The following EMC3 variants were observed in gnomAD, a reference collection of about 807,000 sequenced individuals.
EMC3 encodes ER membrane protein complex subunit 3.
Under a neutral mutation model 36.6 loss-of-function variants are expected in EMC3, and 13 were observed. That is an observed-to-expected ratio of 0.35 (90% CI 0.23 to 0.56). The LOEUF is 0.56. Ranked by LOEUF, EMC3 falls within the 20% of genes least tolerant of loss-of-function variation. EMC3 has a pLI of 0.84. For missense variants in EMC3, 220 were observed against 324.5 expected, an observed-to-expected ratio of 0.68 and a Z score of 2.47; for synonymous variants, 120 against 111.9, an observed-to-expected ratio of 1.07 and a Z score of -0.46.
Position 9,986,664 on chromosome 3 carries a change from T to C in EMC3, c.-3A>G. On this transcript the variant is annotated 5_prime_UTR_variant, in exon 1 of 8. Coordinates refer to ENST00000245046, the MANE Select transcript of EMC3 (RefSeq NM_001394674.1). ...AGCAACAGTTCTGGCCCTGCCATCT[T>C]CACTGAAAGCTGGTTCCCAGTCTGG... The C allele has an allele frequency of 6.2e-7, 1 of 1,613,824 alleles. No individual in the cohort carries two copies. The highest frequency in any genetic ancestry group is 8.5e-7 in the Non-Finnish European group (1 of 1,179,760).
chr3:9,990,452 A>T (rs1288732154), upstream of EMC3, among the ~76,000 whole-genome samples: 1 of 148,308 alleles, frequency 6.7e-6, no homozygotes, highest in Non-Finnish European at 1.5e-5. Flanking sequence ...CCCCCACCTC[A>T]GTCTTTGGAG....
At chr3:9,993,474 C>T (rs961539100) in intron 1 of EMC3, among the ~76,000 whole-genome samples, 5 of 152,066 alleles carry the variant, frequency 3.3e-5, no homozygotes, top group Non-Finnish European at 7.4e-5. Context: ...AATGAGAATA[C>T]CTCATTGGAT....
At chr3:10,004,364 A>G (rs2086240611) in intron 1 of EMC3, 1 of 152,188 alleles carries the variant, frequency 6.6e-6, no homozygotes, top group Admixed American at 6.5e-5. Flanking sequence ...TTTGGTGGCC[A>G]TGGGATTCCA....
chr3:9,972,860 ACT>A (rs1481439015), intron 5 of EMC3, among the ~76,000 whole-genome samples: 8 of 145,552 alleles, frequency 5.5e-5, no homozygotes, highest in Non-Finnish European at 9.0e-5. Context: ...ATGGAGTCTC[ACT>A]CTGTCGCCCA....
chr3:9,997,542 C>G (rs902144108), intron 1 of EMC3, among the ~76,000 whole-genome samples: 4 of 152,330 alleles, frequency 2.6e-5, no homozygotes, highest in African/African-American at 9.6e-5. Flanking sequence ...TTACCGCAAC[C>G]TCTGCCTCCT....
At chr3:9,994,165 C>T in intron 1 of EMC3, 1 of 1,586,300 alleles carries the variant, frequency 6.3e-7, no homozygotes, top group Non-Finnish European at 8.6e-7. Context: ...CTTCTTTTCT[C>T]TCTCTACTCT....
rs532047520 is a variant in EMC3 at position 10,002,722 on chromosome 3, G to A, written c.-242+8301C>T. 1.9e-5 allele frequency: 8 copies of A among 415,586 alleles called. 1 individual carries two copies. Among genetic ancestry groups the A allele is most frequent in the South Asian group, 1.2e-4 (7 of 58,012 alleles). The allele number at this position is 415,586 out of a possible 1,614,324, so 25.7% of individuals were successfully genotyped here. A position where few individuals can be genotyped will look rare whatever the true frequency, so the allele number is the denominator to read the frequency against. On this transcript the variant is annotated intron_variant, in intron 1 of 8. Transcript: ENST00000470827. ...TCACCCTGTTATTTATTTAGTAACA[G>A]AGTATGCAAGAGGAGGAGACCTGCA...
At position 9,969,807 on chromosome 3, in the gene EMC3, G is replaced by C. The variant is rs2085767426; in HGVS notation, c.575-6C>G. On this transcript the variant is annotated splice_region_variant and splice_polypyrimidine_tract_variant and intron_variant, in intron 6 of 7. Transcript: ENST00000245046. ...CATTCGTGATTGGTCAGCGGCTGTA[G>C]CATAAGACACACTTACATGAGTGCC... 8.7e-6 allele frequency: 14 copies of C among 1,612,676 alleles called. No individual in the cohort carries two copies. The highest frequency in any genetic ancestry group is 1.2e-5 in the Non-Finnish European group (14 of 1,179,898).
intron 1 of EMC3, among the ~76,000 whole-genome samples, chr3:9,983,801 T>C (rs574765814): frequency 6.6e-6 from 1 of 152,224 alleles, no homozygotes; most frequent in African/African-American, 2.4e-5. Context: ...CAGAAAATCA[T>C]GGCAGAGAAT....
intron 1 of EMC3, among the ~76,000 whole-genome samples, chr3:9,992,407 T>C (rs1437873098): frequency 2.6e-5 from 4 of 152,206 alleles, no homozygotes; most frequent in Non-Finnish European, 5.9e-5. Context: ...ATTACAGGTG[T>C]GAGCCCCCAC....
intron 1 of EMC3, among the ~76,000 whole-genome samples, chr3:9,996,047 C>G (rs754178942): frequency 6.6e-6 from 1 of 152,174 alleles, no homozygotes; most frequent in East Asian, 1.9e-4. Flanking sequence ...CTGTGGTCAG[C>G]TAACCATGAA....
intron 6 of EMC3, 127 bp downstream of exon 6, chr3:9,970,455 A>G: frequency 9.2e-7 from 1 of 1,086,076 alleles, no homozygotes; most frequent in South Asian, 1.3e-5. Flanking sequence ...TACCTCAGAA[A>G]CTTAAGGAAG....
At chr3:10,002,606 A>C in intron 1 of EMC3, 2 of 365,086 alleles carry the variant, frequency 5.5e-6, no homozygotes, top group Non-Finnish European at 1.1e-5. Flanking sequence ...GCTTAAATAC[A>C]TAAAGACCCT....
At chr3:9,965,807 CA>C (rs1463831536) in intron 7 of EMC3, among the ~76,000 whole-genome samples, 1 of 152,178 alleles carries the variant, frequency 6.6e-6, no homozygotes, top group Non-Finnish European at 1.5e-5. Flanking sequence ...TAACATGATT[CA>C]GTATTCCACT....
upstream of EMC3, chr3:9,988,149 C>T (rs1178437814): frequency 4.9e-5 from 27 of 546,882 alleles, no homozygotes; most frequent in Non-Finnish European, 6.6e-6. Flanking sequence ...AGTATTATAT[C>T]GTTTTTCAAA....
intron 7 of EMC3, chr3:9,968,554 TA>T (rs2085754067): frequency 1.3e-5 from 2 of 152,218 alleles, no homozygotes; most frequent in African/African-American, 4.8e-5. Flanking sequence ...GTCTTGTTCT[TA>T]ATCTTAAAGG....
chr3:9,996,775 C>G (rs75087942), intron 1 of EMC3, among the ~76,000 whole-genome samples: 2 of 152,254 alleles, frequency 1.3e-5, no homozygotes, highest in East Asian at 1.9e-4. Context: ...CACTTTATAA[C>G]CTTCTGAGAT....
intron 1 of EMC3, among the ~76,000 whole-genome samples, chr3:9,992,278 G>A (rs1489356876): frequency 1.3e-5 from 2 of 151,890 alleles, no homozygotes; most frequent in Non-Finnish European, 2.9e-5. Flanking sequence ...TTGCCACCAC[G>A]ACTGGCCAAT....
At chr3:10,003,589 A>G in intron 1 of EMC3, 1 of 232,130 alleles carries the variant, frequency 4.3e-6, no homozygotes, top group Non-Finnish European at 8.7e-6. Context: ...GAGGTCCAGG[A>G]TCACATGCTG....
Sources: gnomAD v4.1 joint callset for allele counts (sites outside exome capture counted in the v4.1 genomes callset) on GRCh38, gnomAD v4.1.1 for gene constraint, MANE v1.5 for transcripts, NCBI Gene and HGNC (gene_info 2026-07-23, HGNC 2026-07-21) for gene names.